Variants in RBL1 observed in about 807,000 individuals in gnomAD.
RBL1 encodes retinoblastoma-like protein 1.
RBL1 carries 82 observed loss-of-function variants against 123.0 expected under a neutral mutation model. The observed-to-expected ratio is 0.67, with a 90% CI of 0.56 to 0.80. The LOEUF (loss-of-function observed/expected upper bound fraction) is 0.80. Among genes scored for constraint, RBL1 ranks in the 30% least tolerant of loss-of-function variants. The pLI is 0.00. For missense variants in RBL1, 1,171 were observed against 1,299.6 expected, an observed-to-expected ratio of 0.90 and a Z score of 1.52; for synonymous variants, 405 against 441.3, an observed-to-expected ratio of 0.92 and a Z score of 1.03.
chr20:37,036,159 C>G, intron 14 of RBL1, among the ~76,000 whole-genome samples: 1 of 152,172 alleles, frequency 6.6e-6, no homozygotes. Flanking sequence ...CCCTCTCTAC[C>G]AGCTGCACGG....
chr20:37,047,936 C>T (rs184270622), intron 11 of RBL1, among the ~76,000 whole-genome samples: 38 of 152,070 alleles, frequency 2.5e-4, no homozygotes, highest in African/African-American at 8.4e-4. Context: ...GCCAAGATCA[C>T]GCCACCACAC....
Position 37,067,107 on chromosome 20 carries a change from T to C in RBL1, c.571A>G (p.Ile191Val). 6.4e-7 allele frequency: 1 copy of C among 1,561,144 alleles called. No individual in the cohort carries two copies. Among genetic ancestry groups the C allele is most frequent in the Non-Finnish European group, 8.6e-7 (1 of 1,161,736 alleles). ...TAAGAGTTTACTAAGTCATCCCCAATCATCCGAAAATTACCTTTATAAGGG... is the reference window on the plus strand; with the variant it reads ...TAAGAGTTTACTAAGTCATCCCCAACCATCCGAAAATTACCTTTATAAGGG... ...FVYTKGNFRM[I>V]GDDLVNSYHL... The change falls in exon 5 of 22, where the codon ATT (isoleucine) becomes GTT (valine). Residue 191 changes from isoleucine (I) to valine (V), a missense_variant. Physicochemically the swap from Ile to Val is conservative, Grantham distance 29 (BLOSUM62 3). Coordinates refer to ENST00000373664, the MANE Select transcript of RBL1 (RefSeq NM_002895.5).
chr20:37,034,770 A>G (rs1266929369), intron 15 of RBL1, among the ~76,000 whole-genome samples: 1 of 152,098 alleles, frequency 6.6e-6, no homozygotes, highest in East Asian at 1.9e-4. Flanking sequence ...AAAATAAAAA[A>G]AAAACCACTA....
chr20:37,016,754 C>G (rs2064259843), intron 19 of RBL1, among the ~76,000 whole-genome samples: 1 of 151,786 alleles, frequency 6.6e-6, no homozygotes, highest in African/African-American at 2.4e-5. Flanking sequence ...TGGCAAAATC[C>G]CACCTCTACA....
intron 2 of RBL1, among the ~76,000 whole-genome samples, chr20:37,073,368 C>A (rs1380546654): frequency 6.6e-6 from 1 of 152,084 alleles, no homozygotes; most frequent in Non-Finnish European, 1.5e-5. Context: ...GCAAAGTAAA[C>A]TTCACAGCTT....
At chr20:37,068,217 C>T in intron 2 of RBL1, 31 bp from the exon 3 acceptor site, 1 of 1,520,984 alleles carries the variant, frequency 6.6e-7, no homozygotes, top group East Asian at 2.4e-5. Context: ...AAAAAAGGCA[C>T]CTTTAAAATT....
chr20:37,048,819 C>T (rs573658393), intron 11 of RBL1, among the ~76,000 whole-genome samples: 2 of 149,894 alleles, frequency 1.3e-5, no homozygotes, highest in African/African-American at 2.5e-5. Flanking sequence ...GTCCCAGGTA[C>T]TTGGGAAACT....
In RBL1 at chr20:37,067,131, G is replaced by GA. The variant is rs1211735165; in HGVS notation, c.557-11_557-10insT. Reference sequence around the variant, plus strand: ...ATCATCCGAAAATTACCTTTATAAGGGAAAAAAAAAAAAAAAAGACACAAA... The same window carrying GA: ...ATCATCCGAAAATTACCTTTATAAGGAGAAAAAAAAAAAAAAAAGACACAAA... On this transcript the variant is annotated splice_polypyrimidine_tract_variant and intron_variant, in intron 4 of 21. Coordinates refer to ENST00000373664, the MANE Select transcript of RBL1 (RefSeq NM_002895.5). 5 of 1,537,444 alleles carry GA rather than the reference G, an allele frequency of 3.3e-6. No individual in the cohort carries two copies. The highest frequency in any genetic ancestry group is 2.3e-5 in the Admixed American group (1 of 44,388).
intron 15 of RBL1, among the ~76,000 whole-genome samples, chr20:37,033,614 C>CTTT (rs1379232315): frequency 3.2e-5 from 4 of 125,790 alleles, no homozygotes; most frequent in Non-Finnish European, 3.4e-5. Context: ...TGCAGCTGGA[C>CTTT]TTTTTTTTTT....
At chr20:37,088,444 TA>T (rs965530590) in intron 2 of RBL1, among the ~76,000 whole-genome samples, 19 of 152,248 alleles carry the variant, frequency 1.2e-4, no homozygotes, top group Admixed American at 9.8e-4. Context: ...TTCCAAATTT[TA>T]AAAAATTAAT....
intron 7 of RBL1, among the ~76,000 whole-genome samples, chr20:37,064,927 CTTTCTT>C (rs2065155114): frequency 6.7e-6 from 1 of 148,748 alleles, no homozygotes; most frequent in South Asian, 2.1e-4. Flanking sequence ...TGCCCGGCCT[CTTTCTT>C]TTTTTTTTTT....
At chr20:37,015,236 T>C (rs1297166060) in intron 19 of RBL1, among the ~76,000 whole-genome samples, 1 of 152,062 alleles carries the variant, frequency 6.6e-6, no homozygotes, top group African/African-American at 2.4e-5. Flanking sequence ...TTTGCTTACT[T>C]CTACTCTCTG....
chr20:36,999,742 C>T (rs1410076805), intron 21 of RBL1, among the ~76,000 whole-genome samples: 1 of 152,256 alleles, frequency 6.6e-6, no homozygotes, highest in East Asian at 1.9e-4. Flanking sequence ...GATCCGCCAG[C>T]CTCGGCCTCC....
intron 2 of RBL1, among the ~76,000 whole-genome samples, chr20:37,069,972 C>T (rs1368672470): frequency 6.6e-6 from 1 of 152,186 alleles, no homozygotes; most frequent in African/African-American, 2.4e-5. Flanking sequence ...GGAGGTGTGC[C>T]CAACAGCTCA....
At chr20:37,052,553 A>C (rs963415469) in intron 11 of RBL1, among the ~76,000 whole-genome samples, 8 of 152,132 alleles carry the variant, frequency 5.3e-5, no homozygotes, top group African/African-American at 1.9e-4. Context: ...TCTGTTGCAC[A>C]GGGTGGAGTG....
intron 2 of RBL1, among the ~76,000 whole-genome samples, chr20:37,080,011 T>C (rs1401696616): frequency 6.6e-6 from 1 of 152,044 alleles, no homozygotes; most frequent in Non-Finnish European, 1.5e-5. Flanking sequence ...TTTAAAAAAA[T>C]AGTCAAGGCT....
At chr20:37,024,255 T>C (rs1409850584) in intron 16 of RBL1, among the ~76,000 whole-genome samples, 1 of 152,224 alleles carries the variant, frequency 6.6e-6, no homozygotes, top group Non-Finnish European at 1.5e-5. Flanking sequence ...TGATTTATTT[T>C]ACAGCAAACA....
At position 37,020,721 on chromosome 20, in the gene RBL1, CTTT is replaced by C; in HGVS notation, c.2566_2568del (p.Lys856del). The C allele has an allele frequency of 1.3e-6, 2 of 1,575,764 alleles. No individual in the cohort carries two copies. The highest frequency in any genetic ancestry group is 1.7e-6 in the Non-Finnish European group (2 of 1,155,602). ...ATAATTTCTTGAAAAGTTCTTTCTTCTTTTGTTACCTAAGGAAAATAAAAACCG... is the reference window on the plus strand; with the variant it reads ...ATAATTTCTTGAAAAGTTCTTTCTTCTGTTACCTAAGGAAAATAAAAACCG... On this transcript the variant is annotated inframe_deletion, in exon 18 of 22. Transcript: ENST00000373664.
At position 37,049,556 on chromosome 20, in the gene RBL1, A is replaced by G; in HGVS notation, c.1468-2366T>C. The G allele has an allele frequency of 6.6e-6, 5 of 756,658 alleles. No individual in the cohort carries two copies. The South Asian group carries it at 6.8e-5, about 10-fold the overall frequency. 46.9% of individuals were successfully genotyped at this position (756,658 alleles called of 1,614,324 possible). A position where few individuals can be genotyped will look rare whatever the true frequency, so the allele number is the denominator to read the frequency against. On this transcript the variant is annotated intron_variant, in intron 11 of 21. Transcript: ENST00000373664. ...GTTAAGCTGGCTATCCTGAAATATTATAAGGTAGATGAGAACGGCAAAATT... is the reference window on the plus strand; with the variant it reads ...GTTAAGCTGGCTATCCTGAAATATTGTAAGGTAGATGAGAACGGCAAAATT...
Sources: allele counts gnomAD v4.1 joint callset (sites outside exome capture counted in the v4.1 genomes callset), GRCh38; gene constraint gnomAD v4.1.1; transcripts MANE v1.5; gene names NCBI Gene and HGNC (gene_info 2026-07-23, HGNC 2026-07-21).